Variants in HDAC9 observed in about 807,000 individuals in gnomAD.
The protein encoded by HDAC9 is MEF-2 interacting transcription repressor (MITR) protein.
HDAC9 carries 41 observed loss-of-function variants against 139.4 expected under a neutral mutation model. That is an observed-to-expected ratio of 0.29 (90% CI 0.23 to 0.38). The LOEUF is 0.38. HDAC9 is among the 10% of genes least tolerant of loss of function. The pLI is 1.00. For synonymous variants in HDAC9, 517 were observed against 476.2 expected, an observed-to-expected ratio of 1.09 and a Z score of -1.12; for missense variants, 1,147 against 1,297.0, an observed-to-expected ratio of 0.88 and a Z score of 1.78.
intron 25 of HDAC9, among the ~76,000 whole-genome samples, chr7:18,984,234 C>T (rs762423812): frequency 2.0e-5 from 3 of 151,870 alleles, no homozygotes; most frequent in African/African-American, 2.4e-5. Flanking sequence ...ATTAGGTACT[C>T]AAGATCCATT....
chr7:18,172,319 G>A (rs1030928239), intron 2 of HDAC9, among the ~76,000 whole-genome samples: 5 of 152,014 alleles, frequency 3.3e-5, no homozygotes, highest in African/African-American at 4.8e-5. Context: ...TTTTGATTGC[G>A]TCTATTTGAT....
At chr7:18,871,080 TAAGA>T (rs762602668) in intron 21 of HDAC9, among the ~76,000 whole-genome samples, 4 of 152,208 alleles carry the variant, frequency 2.6e-5, no homozygotes, top group Non-Finnish European at 4.4e-5. Context: ...TATTTTTCTG[TAAGA>T]AAGAGCTGTT....
exon 2 of HDAC9, chr7:18,162,312 C>A: frequency 6.5e-7 from 1 of 1,535,074 alleles, no homozygotes; most frequent in Non-Finnish European, 8.7e-7. Context: ...TCTTAGCAGT[C>A]CCTCTGATTC....
intron 1 of HDAC9, among the ~76,000 whole-genome samples, chr7:18,467,878 C>G (rs912067452): frequency 1.3e-5 from 2 of 152,142 alleles, no homozygotes; most frequent in Non-Finnish European, 2.9e-5. Context: ...TTGCCTTCCT[C>G]TGGTCCATGC....
chr7:18,900,438 G>C (rs1374190301), intron 22 of HDAC9, among the ~76,000 whole-genome samples: 1 of 152,112 alleles, frequency 6.6e-6, no homozygotes, highest in South Asian at 2.1e-4. Context: ...GCCAACCTCA[G>C]AGACGCCTTA....
intron 1 of HDAC9, among the ~76,000 whole-genome samples, chr7:18,392,919 CAA>C (rs773532939): frequency 3.0e-3 from 132 of 44,546 alleles, no homozygotes; most frequent in African/African-American, 7.4e-3. Context: ...CCATGACTGG[CAA>C]AAAAAAAAAA....
At chr7:18,915,058 A>C (rs1304424205) in intron 22 of HDAC9, among the ~76,000 whole-genome samples, 1 of 152,064 alleles carries the variant, frequency 6.6e-6, no homozygotes, top group Non-Finnish European at 1.5e-5. Flanking sequence ...AAGATATATG[A>C]CCACTGACTG....
chr7:18,808,781 A>G (rs1562956352), intron 17 of HDAC9, among the ~76,000 whole-genome samples: 3 of 152,098 alleles, frequency 2.0e-5, no homozygotes, highest in Admixed American at 1.3e-4. Flanking sequence ...AGAAAGAGAA[A>G]AAAAATCCTA....
chr7:18,590,259 A>G lies in HDAC9; in HGVS notation c.265-77A>G, dbSNP rs555513092. 1,202 of 1,448,030 alleles carry G rather than the reference A, an allele frequency of 8.3e-4. 21 individuals are homozygous for G. The South Asian group carries it at 0.015, about 18-fold the overall frequency. The allele number at this position is 1,448,030 out of a possible 1,614,324, so 89.7% of individuals were successfully genotyped here. ...ATACAAACAAGTTCCAAAAGCTCAT[A>G]ACATTTCAGTTTTGGTCAGTGATGA... On this transcript the variant is annotated intron_variant, in intron 3 of 25. Coordinates refer to ENST00000686413, the MANE Select transcript of HDAC9 (RefSeq NM_178425.4).
chr7:18,626,460 C>T (rs961770552), intron 6 of HDAC9, among the ~76,000 whole-genome samples: 66 of 152,158 alleles, frequency 4.3e-4, no homozygotes, highest in African/African-American at 1.6e-3. Context: ...TGAAGAAAAT[C>T]CCTCCAACAT....
intron 23 of HDAC9, among the ~76,000 whole-genome samples, chr7:18,936,216 G>A (rs999317637): frequency 2.0e-5 from 3 of 152,026 alleles, no homozygotes; most frequent in East Asian, 3.9e-4. Flanking sequence ...CAATGAGTAC[G>A]GAAACATTGA....
intron 6 of HDAC9, among the ~76,000 whole-genome samples, chr7:18,622,566 C>T (rs919294746): frequency 6.6e-6 from 1 of 151,956 alleles, no homozygotes; most frequent in Non-Finnish European, 1.5e-5. Flanking sequence ...TCATGATCTG[C>T]CCGCCTTGGC....
chr7:18,495,988 A>G lies in HDAC9; in HGVS notation c.-77A>G, dbSNP rs574817340. ...GGGATAACCTAAACTCCAGAGAGCT[A>G]TAGCATCCACTCTGTCCTTTCTGCT... On this transcript the variant is annotated 5_prime_UTR_variant, in exon 1 of 26. Coordinates refer to ENST00000686413, the MANE Select transcript of HDAC9 (RefSeq NM_178425.4). 1.5e-6 allele frequency: 2 copies of G among 1,371,588 alleles called. No individual in the cohort carries two copies. Among genetic ancestry groups the G allele is most frequent in the Admixed American group, 3.1e-5 (1 of 31,790 alleles). The allele number at this position is 1,371,588 out of a possible 1,614,324, so 85.0% of individuals were successfully genotyped here.
intron 2 of HDAC9, among the ~76,000 whole-genome samples, chr7:18,184,041 A>G (rs1048781830): frequency 2.6e-5 from 4 of 152,152 alleles, no homozygotes; most frequent in South Asian, 2.1e-4. Context: ...CTCATCTGAC[A>G]TGCTTGGGAC....
intron 2 of HDAC9, among the ~76,000 whole-genome samples, chr7:18,574,130 C>G (rs1003201774): frequency 1.3e-5 from 2 of 152,246 alleles, no homozygotes; most frequent in African/African-American, 4.8e-5. Context: ...TTTCTGCAAG[C>G]AGGTCATCCT....
At chr7:18,347,710 GC>G (rs1488830371) in intron 1 of HDAC9, among the ~76,000 whole-genome samples, 1 of 152,024 alleles carries the variant, frequency 6.6e-6, no homozygotes, top group African/African-American at 2.4e-5. Context: ...TGATTCTCCT[GC>G]TTCAGGCTCC....
chr7:18,895,704 C>A (rs1366501511), intron 22 of HDAC9, among the ~76,000 whole-genome samples: 1 of 152,080 alleles, frequency 6.6e-6, no homozygotes, highest in East Asian at 1.9e-4. Flanking sequence ...AACAGCAGGG[C>A]AGCATGTTTC....
intron 13 of HDAC9, among the ~76,000 whole-genome samples, chr7:18,746,987 T>C (rs1315076125): frequency 2.0e-5 from 3 of 151,826 alleles, no homozygotes; most frequent in Non-Finnish European, 1.5e-5. Flanking sequence ...CCTTGAAGAG[T>C]GAAAAAAGAT....
chr7:18,200,285 C>G (rs769748620), intron 2 of HDAC9, among the ~76,000 whole-genome samples: 1 of 152,206 alleles, frequency 6.6e-6, no homozygotes, highest in African/African-American at 2.4e-5. Context: ...GTTGAAAACA[C>G]TGATTGTGAA....
Sources: gnomAD v4.1 joint callset for allele counts (sites outside exome capture counted in the v4.1 genomes callset) on GRCh38, gnomAD v4.1.1 for gene constraint, MANE v1.5 for transcripts, NCBI Gene and HGNC (gene_info 2026-07-23, HGNC 2026-07-21) for gene names.